The following PTPRR variants were observed in gnomAD, a reference collection of about 807,000 sequenced individuals.
PTPRR encodes the protein receptor-type tyrosine-protein phosphatase R.
A neutral mutation model predicts 77.2 loss-of-function variants in PTPRR; 38 were observed. That is an observed-to-expected ratio of 0.49 (90% CI 0.38 to 0.65). The LOEUF is 0.65. Among genes scored for constraint, PTPRR ranks in the 30% least tolerant of loss-of-function variants. The probability of loss-of-function intolerance (pLI) is 0.00; values close to 1 mark genes in which losing one functional copy is unlikely to be tolerated. For synonymous variants in PTPRR, 299 were observed against 283.1 expected (o/e 1.06, Z -0.57); for missense variants, 744 against 799.2 (o/e 0.93, Z 0.83).
intron 8 of PTPRR, among the ~76,000 whole-genome samples, chr12:70,689,215 G>T (rs949531927): frequency 1.3e-5 from 2 of 151,832 alleles, no homozygotes; most frequent in Admixed American, 6.6e-5. Flanking sequence ...AATATTTGAG[G>T]TAATGGATAC....
intron 2 of PTPRR, among the ~76,000 whole-genome samples, chr12:70,787,388 G>A (rs188728890): frequency 2.6e-5 from 4 of 152,226 alleles, no homozygotes; most frequent in Admixed American, 2.6e-4. Context: ...ATTCGCAATA[G>A]CAATTTTTAA....
intron 2 of PTPRR, among the ~76,000 whole-genome samples, chr12:70,778,617 T>G (rs1270058225): frequency 8.5e-5 from 13 of 152,234 alleles, no homozygotes; most frequent in Non-Finnish European, 1.5e-5. Context: ...CTCTGAGGTC[T>G]GCACTCTGTC....
chr12:70,821,377 AC>A (rs1024400332), intron 2 of PTPRR, among the ~76,000 whole-genome samples: 4 of 151,190 alleles, frequency 2.6e-5, no homozygotes, highest in Non-Finnish European at 5.9e-5. Context: ...GGCACACACC[AC>A]CACGCCCAGC....
At chr12:70,751,463 AAC>A (rs1159084490) in intron 5 of PTPRR, among the ~76,000 whole-genome samples, 1 of 152,218 alleles carries the variant, frequency 6.6e-6, no homozygotes, top group East Asian at 1.9e-4. Context: ...GTGATTTTTA[AAC>A]ACACACAGCA....
intron 1 of PTPRR, among the ~76,000 whole-genome samples, chr12:70,907,711 C>G (rs927564485): frequency 6.6e-6 from 1 of 152,138 alleles, no homozygotes; most frequent in Non-Finnish European, 1.5e-5. Context: ...GACCTTGGGC[C>G]TCAGACTCTG....
intron 13 of PTPRR, among the ~76,000 whole-genome samples, chr12:70,654,462 G>A (rs1164507237): frequency 1.3e-5 from 2 of 152,114 alleles, no homozygotes; most frequent in Non-Finnish European, 2.9e-5. Flanking sequence ...GTACTCCCAG[G>A]AGGTCAAGGC....
intron 2 of PTPRR, among the ~76,000 whole-genome samples, chr12:70,840,166 A>G (rs558928930): frequency 6.6e-6 from 1 of 152,210 alleles, no homozygotes; most frequent in Admixed American, 6.5e-5. Flanking sequence ...CACTGGGGCC[A>G]TATTCCTTTC....
chr12:70,673,220 C>T (rs1203934664), intron 10 of PTPRR, among the ~76,000 whole-genome samples: 2 of 152,000 alleles, frequency 1.3e-5, no homozygotes, highest in Admixed American at 1.3e-4. Context: ...TATTACACAC[C>T]CTCTAGGAAA....
chr12:70,728,528 A>T (rs1404891713), intron 6 of PTPRR, among the ~76,000 whole-genome samples: 1 of 80,136 alleles, frequency 1.2e-5, no homozygotes, highest in South Asian at 4.5e-4. Context: ...CCAAAATCTG[A>T]ATATATATAT....
At chr12:70,708,681 AT>A (rs1327133017) in intron 6 of PTPRR, among the ~76,000 whole-genome samples, 2 of 151,852 alleles carry the variant, frequency 1.3e-5, no homozygotes, top group African/African-American at 4.8e-5. Context: ...TCCTAAGTTA[AT>A]TTTTCCTAGT....
At chr12:70,754,150 G>T in intron 5 of PTPRR, 41 bp downstream of exon 5, 1 of 1,584,338 alleles carries the variant, frequency 6.3e-7, no homozygotes, top group South Asian at 1.1e-5. Context: ...ATCAAGCAGT[G>T]GGCTGAGCAA....
chr12:70,660,037 C>T (rs1886736813), intron 12 of PTPRR, among the ~76,000 whole-genome samples: 2 of 151,766 alleles, frequency 1.3e-5, no homozygotes, highest in South Asian at 2.1e-4. Flanking sequence ...ATTAGCCAGG[C>T]GTGGTGGTGC....
At chr12:70,912,560 T>C (rs1396851924) in intron 1 of PTPRR, among the ~76,000 whole-genome samples, 2 of 152,242 alleles carry the variant, frequency 1.3e-5, no homozygotes, top group Non-Finnish European at 2.9e-5. Context: ...TCTAGACTGC[T>C]GCATAATATA....
intron 13 of PTPRR, among the ~76,000 whole-genome samples, chr12:70,655,156 G>C (rs911698403): frequency 1.3e-5 from 2 of 152,168 alleles, no homozygotes; most frequent in Non-Finnish European, 2.9e-5. Context: ...TTATAACAAA[G>C]GTGATCAAAC....
At chr12:70,661,199 A>C in intron 11 of PTPRR, 102 bp from the exon 12 acceptor site, 2 of 1,469,756 alleles carry the variant, frequency 1.4e-6, no homozygotes, top group Non-Finnish European at 1.9e-6. Flanking sequence ...TCTTGCTGGC[A>C]ATTTATTTCT....
chr12:70,732,941 T>C (rs1183615714), intron 6 of PTPRR, among the ~76,000 whole-genome samples: 2 of 152,196 alleles, frequency 1.3e-5, no homozygotes, highest in Non-Finnish European at 2.9e-5. Context: ...TTTTTTCATA[T>C]TGAGATTTAA....
At position 70,671,614 on chromosome 12, in the gene PTPRR, C is replaced by T. The variant is rs554707513; in HGVS notation, c.1498-9009G>A. 2.0e-5 allele frequency among the ~76,000 whole-genome samples: 3 copies of T among 152,330 alleles called. No homozygotes were observed. The East Asian group carries it at 5.8e-4, about 29-fold the overall frequency. Reference sequence around the variant, plus strand: ...TCTAGCTTTCCACAGATCCATTTGGCTCTCCTGTAAAGACTGAAATCTGAG... The same window carrying T: ...TCTAGCTTTCCACAGATCCATTTGGTTCTCCTGTAAAGACTGAAATCTGAG... On this transcript the variant is annotated intron_variant, in intron 10 of 13. Coordinates refer to ENST00000283228, the MANE Select transcript of PTPRR (RefSeq NM_002849.4).
chr12:70,694,849 T>C (rs1027285378), intron 8 of PTPRR, among the ~76,000 whole-genome samples: 5 of 152,188 alleles, frequency 3.3e-5, no homozygotes, highest in African/African-American at 1.2e-4. Context: ...TATTTTATTG[T>C]GTGCTAATAA....
At chr12:70,914,645 GT>G (rs1893747930) in intron 1 of PTPRR, among the ~76,000 whole-genome samples, 1 of 152,118 alleles carries the variant, frequency 6.6e-6, no homozygotes, top group African/African-American at 2.4e-5. Flanking sequence ...GAAGTGTTGA[GT>G]AAAAATAGTT....
Sources: allele counts gnomAD v4.1 joint callset (sites outside exome capture counted in the v4.1 genomes callset), GRCh38; gene constraint gnomAD v4.1.1; transcripts MANE v1.5; gene names NCBI Gene and HGNC (gene_info 2026-07-23, HGNC 2026-07-21).